The following CTNNA2 variants were observed in gnomAD, a reference collection of about 807,000 sequenced individuals.
The protein encoded by CTNNA2 is catenin alpha 2, also known as catenin alpha-2.
A neutral mutation model predicts 101.0 loss-of-function variants in CTNNA2; 42 were observed. The ratio of observed to expected loss-of-function variants is 0.42; its 90% CI spans 0.32 to 0.54. The LOEUF (loss-of-function observed/expected upper bound fraction) is 0.54. Among genes scored for constraint, CTNNA2 ranks in the 20% least tolerant of loss-of-function variants. CTNNA2 has a pLI of 0.14. For missense variants in CTNNA2, 871 were observed against 1,223.1 expected (o/e 0.71, Z 4.29); for synonymous variants, 450 against 456.4 (o/e 0.99, Z 0.18).
chr2:79,975,687 T>C (rs910416338), intron 7 of CTNNA2, among the ~76,000 whole-genome samples: 1 of 152,172 alleles, frequency 6.6e-6, no homozygotes, highest in South Asian at 2.1e-4. Context: ...TACTTACATT[T>C]ACAGTTTATT....
At chr2:80,213,533 T>A (rs1053938415) in intron 7 of CTNNA2, among the ~76,000 whole-genome samples, 10 of 152,200 alleles carry the variant, frequency 6.6e-5, no homozygotes, top group Non-Finnish European at 1.0e-4. Context: ...TTTGAGTGAG[T>A]TTCTTAATCC....
At chr2:79,857,921 T>G in intron 3 of CTNNA2, 92 bp from the exon 4 acceptor site, 2 of 1,352,098 alleles carry the variant, frequency 1.5e-6, no homozygotes, top group South Asian at 2.6e-5. Context: ...AGTTTTGCAA[T>G]AAAAACAGTA....
intron 7 of CTNNA2, among the ~76,000 whole-genome samples, chr2:80,172,846 C>T (rs1047420056): frequency 2.0e-5 from 3 of 152,138 alleles, no homozygotes; most frequent in African/African-American, 7.2e-5. Context: ...TGTGCAGGTG[C>T]CTTCTCACAT....
intron 4 of CTNNA2, among the ~76,000 whole-genome samples, chr2:79,381,648 A>G (rs958407237): frequency 6.6e-5 from 10 of 152,294 alleles, no homozygotes; most frequent in African/African-American, 2.2e-4. Context: ...TCATACCTCA[A>G]TTGAGGAACT....
intron 3 of CTNNA2, among the ~76,000 whole-genome samples, chr2:79,342,153 C>T (rs1677152741): frequency 6.6e-6 from 1 of 152,170 alleles, no homozygotes; most frequent in East Asian, 1.9e-4. Context: ...CATATCTCAT[C>T]AACATTAGCT....
intron 2 of CTNNA2, among the ~76,000 whole-genome samples, chr2:79,674,847 A>AT (rs1683079427): frequency 6.6e-6 from 1 of 152,158 alleles, no homozygotes; most frequent in South Asian, 2.1e-4. Flanking sequence ...TCTGAGAGTT[A>AT]TTTTCCAAGG....
intron 15 of CTNNA2, among the ~76,000 whole-genome samples, chr2:80,597,624 A>G (rs1697099550): frequency 6.6e-6 from 1 of 152,212 alleles, no homozygotes; most frequent in African/African-American, 2.4e-5. Context: ...AAACACATTT[A>G]CAAGAAAAAA....
chr2:80,486,028 C>T (rs556105341), intron 9 of CTNNA2, among the ~76,000 whole-genome samples: 2 of 152,046 alleles, frequency 1.3e-5, no homozygotes, highest in Admixed American at 1.3e-4. Context: ...CCTAATTACA[C>T]CCTCAGACTC....
At position 80,139,495 on chromosome 2, in the gene CTNNA2, T is replaced by C. The variant is rs79959567; in HGVS notation, c.1056+229698T>C. 4.1e-3 allele frequency among the ~76,000 whole-genome samples: 631 copies of C among 152,262 alleles called. 2 individuals carry two copies. Among genetic ancestry groups the C allele is most frequent in the East Asian group, 0.02 (105 of 5,186 alleles). On this transcript the variant is annotated intron_variant, in intron 7 of 18. Coordinates refer to ENST00000402739, the MANE Select transcript of CTNNA2 (RefSeq NM_001282597.3). The stretch of plus-strand genomic sequence containing the variant: ...GATTTTACTGCTTAGGATCTGTCTG[T>C]AAAGGCAATGGAGAATGCAAAGGCT...
chr2:79,437,587 C>G (rs765787374), intron 4 of CTNNA2, among the ~76,000 whole-genome samples: 2 of 152,170 alleles, frequency 1.3e-5, no homozygotes, highest in Non-Finnish European at 2.9e-5. Context: ...TGACCAAGCC[C>G]TGCAGGCAGT....
chr2:80,375,576 T>TTTTTG, intron 7 of CTNNA2, among the ~76,000 whole-genome samples: 1 of 142,488 alleles, frequency 7.0e-6, no homozygotes, highest in African/African-American at 2.7e-5. Flanking sequence ...TTTTTTTTTT[T>TTTTTG]TTTTTTGAGA....
Position 79,869,830 on chromosome 2 carries a change from G to A in CTNNA2, c.480G>A (p.Leu160=). ...LSHLKIVEEA[L]EAVKNATNEQ... The stretch of plus-strand genomic sequence containing the variant: ...CACCACTGCAGGTGGAAGAGGCCCT[G>A]GAAGCTGTCAAAAATGCTACAAATG... The change falls in exon 5 of 19, where the codon CTG becomes CTA. Residue 160 remains leucine, a synonymous_variant. Coordinates refer to ENST00000402739, the MANE Select transcript of CTNNA2 (RefSeq NM_001282597.3). 6.2e-7 allele frequency: 1 copy of A among 1,613,926 alleles called. No individual in the cohort carries two copies. The highest frequency in any genetic ancestry group is 8.5e-7 in the Non-Finnish European group (1 of 1,179,970).
At chr2:80,645,624 C>T (rs1315806873) in intron 18 of CTNNA2, among the ~76,000 whole-genome samples, 1 of 152,052 alleles carries the variant, frequency 6.6e-6, no homozygotes, top group East Asian at 1.9e-4. Context: ...CTAACAGATT[C>T]CCGGGTGATG....
intron 2 of CTNNA2, among the ~76,000 whole-genome samples, chr2:79,691,634 G>C (rs1181904555): frequency 2.6e-5 from 4 of 151,942 alleles, no homozygotes; most frequent in African/African-American, 9.7e-5. Context: ...ATACTACAAG[G>C]CTACAGTAAC....
At chr2:80,071,708 G>T (rs937835830) in intron 7 of CTNNA2, among the ~76,000 whole-genome samples, 1 of 152,178 alleles carries the variant, frequency 6.6e-6, no homozygotes, top group African/African-American at 2.4e-5. Flanking sequence ...ACTGAGGGAG[G>T]ACAGAGTCTT....
chr2:79,243,190 G>T (rs1674657088), intron 2 of CTNNA2, among the ~76,000 whole-genome samples: 1 of 152,032 alleles, frequency 6.6e-6, no homozygotes. Flanking sequence ...GCTAAATCCA[G>T]TCAGGGAAGC....
chr2:79,298,775 A>G (rs145070222), intron 2 of CTNNA2, among the ~76,000 whole-genome samples: 169 of 152,322 alleles, frequency 1.1e-3, no homozygotes, highest in African/African-American at 4.0e-3. Context: ...CCACTTGAAC[A>G]TTCTCTAGGC....
At chr2:80,506,983 A>G (rs1171849849) in intron 9 of CTNNA2, among the ~76,000 whole-genome samples, 1 of 152,180 alleles carries the variant, frequency 6.6e-6, no homozygotes, top group Non-Finnish European at 1.5e-5. Context: ...GAAAAGCACT[A>G]AAGAGTATTT....
At chr2:79,872,045 T>C (rs1368456768) in intron 5 of CTNNA2, among the ~76,000 whole-genome samples, 1 of 152,318 alleles carries the variant, frequency 6.6e-6, no homozygotes, top group East Asian at 1.9e-4. Flanking sequence ...AAGAATATGG[T>C]GCTGATATTT....
Sources: gnomAD v4.1 joint callset for allele counts (sites outside exome capture counted in the v4.1 genomes callset) on GRCh38, gnomAD v4.1.1 for gene constraint, MANE v1.5 for transcripts, NCBI Gene and HGNC (gene_info 2026-07-23, HGNC 2026-07-21) for gene names.